The following NOPCHAP1 variants were observed in gnomAD, a reference collection of about 807,000 sequenced individuals.
NOPCHAP1 encodes the protein DNA damage-sensitive RNA 1.
In NOPCHAP1, 13 loss-of-function variants were observed where a neutral mutation model predicts 14.0. That is an observed-to-expected ratio of 0.93 (90% CI 0.60 to 1.47). The LOEUF (loss-of-function observed/expected upper bound fraction) is 1.47, where lower values mean the gene tolerates loss of function less well. Among genes scored for constraint, NOPCHAP1 ranks in the 40% most tolerant of loss-of-function variants. The probability of loss-of-function intolerance (pLI) is 0.00; values close to 1 mark genes in which losing one functional copy is unlikely to be tolerated. For missense variants in NOPCHAP1, 230 were observed against 226.9 expected, an observed-to-expected ratio of 1.01 and a Z score of -0.09; for synonymous variants, 78 against 78.4, an observed-to-expected ratio of 1.00 and a Z score of 0.03.
At position 105,012,919 on chromosome 12, in the gene NOPCHAP1, C is replaced by T. The variant is rs1261439934; in HGVS notation, c.*18223C>T. The T allele has an allele frequency of 6.6e-6, 1 of 152,324 alleles. No homozygotes were observed. Among genetic ancestry groups the T allele is most frequent in the Non-Finnish European group, 1.5e-5 (1 of 68,112 alleles). The allele number at this position is 152,324 out of a possible 1,614,324, so 9.4% of individuals were successfully genotyped here. A position where few individuals can be genotyped will look rare whatever the true frequency, so the allele number is the denominator to read the frequency against. On this transcript the variant is annotated 3_prime_UTR_variant, in exon 4 of 4. Coordinates refer to ENST00000552951, the MANE Select transcript of NOPCHAP1 (RefSeq NM_152318.3). ...GAGATCTCCTGTGTGAGGTTTCTGT[C>T]AACCTCTGCTGGGAGGTGTCTCCCA...
rs1384372341 is a variant in NOPCHAP1 at position 104,988,272 on chromosome 12, C to G, written c.202+19C>G. On this transcript the variant is annotated intron_variant, in intron 2 of 3. Coordinates refer to ENST00000552951, the MANE Select transcript of NOPCHAP1 (RefSeq NM_152318.3). ...AGTCCCTGTAAGTACCTCTTCCCCTCTCTCACCCTCTCTAATGCTGAGTTT... is the reference window on the plus strand; with the variant it reads ...AGTCCCTGTAAGTACCTCTTCCCCTGTCTCACCCTCTCTAATGCTGAGTTT... The G allele has an allele frequency of 1.3e-6, 2 of 1,552,256 alleles. No homozygotes were observed. Among genetic ancestry groups the G allele is most frequent in the South Asian group, 2.3e-5 (2 of 88,290 alleles).
rs1873477490 is a variant in NOPCHAP1 at position 104,995,325 on chromosome 12, T to C, written c.*629T>C. 6.6e-6 allele frequency: 1 copy of C among 152,348 alleles called. No homozygotes were observed. Among genetic ancestry groups the C allele is most frequent in the Non-Finnish European group, 1.5e-5 (1 of 68,130 alleles). 9.4% of individuals were successfully genotyped at this position (152,348 alleles called of 1,614,324 possible). A position where few individuals can be genotyped will look rare whatever the true frequency, so the allele number is the denominator to read the frequency against. On this transcript the variant is annotated 3_prime_UTR_variant, in exon 4 of 4. Coordinates refer to ENST00000552951, the MANE Select transcript of NOPCHAP1 (RefSeq NM_152318.3). ...ATGTGTTCTGTTCCCTTGAGAAATT[T>C]CTTTCATGCATATGGTGGCAGTGTC...
Position 104,991,453 on chromosome 12 carries a change from T to C in NOPCHAP1, c.203-259T>C, listed in dbSNP as rs559576449. 3.3e-5 allele frequency among the ~76,000 whole-genome samples: 5 copies of C among 152,342 alleles called. No homozygotes were observed. In the South Asian group the frequency reaches 1.0e-3, roughly 32 times the overall value. On this transcript the variant is annotated intron_variant, in intron 2 of 3. Coordinates refer to ENST00000552951, the MANE Select transcript of NOPCHAP1 (RefSeq NM_152318.3). ...ACACTGCCTCCCTATTTAGTTACTATTTGTTGAATGCCAGCCTTCTAGGAG... is the reference window on the plus strand; with the variant it reads ...ACACTGCCTCCCTATTTAGTTACTACTTGTTGAATGCCAGCCTTCTAGGAG...
intron 3 of NOPCHAP1, among the ~76,000 whole-genome samples, chr12:104,992,435 T>G (rs1449014096): frequency 6.6e-6 from 1 of 152,256 alleles, no homozygotes; most frequent in East Asian, 1.9e-4. Flanking sequence ...CTTTGGAGTA[T>G]TGCAGCAATT....
At position 105,010,199 on chromosome 12, in the gene NOPCHAP1, G is replaced by A. The variant is rs1465787323; in HGVS notation, c.*15503G>A. 2.0e-5 allele frequency: 3 copies of A among 152,122 alleles called. No individual in the cohort carries two copies. Among genetic ancestry groups the A allele is most frequent in the African/African-American group, 7.2e-5 (3 of 41,420 alleles). 9.4% of individuals were successfully genotyped at this position (152,122 alleles called of 1,614,324 possible). A position where few individuals can be genotyped will look rare whatever the true frequency, so the allele number is the denominator to read the frequency against. On this transcript the variant is annotated 3_prime_UTR_variant, in exon 4 of 4. Transcript: ENST00000552951. ...TTTCCTGGTTTAATCTTGGGAGAGT[G>A]TATGTGTCCAGGAATTTATCCATTT...
chr12:104,991,652 A>G (rs1174067948), intron 2 of NOPCHAP1, 60 bp from the exon 3 acceptor site: 1 of 1,493,016 alleles, frequency 6.7e-7, no homozygotes, highest in Non-Finnish European at 9.0e-7. Flanking sequence ...GTTTATAGGA[A>G]ATCCTGGGTT....
chr12:104,992,161 A>T (rs376486161), intron 3 of NOPCHAP1, among the ~76,000 whole-genome samples: 16 of 152,328 alleles, frequency 1.1e-4, no homozygotes, highest in African/African-American at 1.7e-4. Flanking sequence ...GTATGCAAAA[A>T]TAAATGATGT....
rs1354273176 is a variant in NOPCHAP1 at position 105,004,730 on chromosome 12, T to C, written c.*10034T>C. On this transcript the variant is annotated 3_prime_UTR_variant, in exon 4 of 4. Coordinates refer to ENST00000552951, the MANE Select transcript of NOPCHAP1 (RefSeq NM_152318.3). Reference sequence around the variant, plus strand: ...TTTTTACAAAGAAAAGAATTACTTATACAGTTGATCCTTGAACAATGCAGG... The same window carrying C: ...TTTTTACAAAGAAAAGAATTACTTACACAGTTGATCCTTGAACAATGCAGG... 2.0e-5 allele frequency: 3 copies of C among 152,222 alleles called. No homozygotes were observed. Among genetic ancestry groups the C allele is most frequent in the Non-Finnish European group, 4.4e-5 (3 of 68,030 alleles). 9.4% of individuals were successfully genotyped at this position (152,222 alleles called of 1,614,324 possible).
intron 3 of NOPCHAP1, among the ~76,000 whole-genome samples, chr12:104,992,217 T>A (rs1418205958): frequency 6.6e-6 from 1 of 152,226 alleles, no homozygotes; most frequent in Non-Finnish European, 1.5e-5. Flanking sequence ...AAAAATGTTC[T>A]CTCAGTTTAT....
rs953604275 is a variant in NOPCHAP1 at position 105,011,903 on chromosome 12, C to A, written c.*17207C>A. ...TCCCTTTTTGGGTAATTCAACCTTT[C>A]TCTCTGGCTGCCCTTAACATTTTTT... On this transcript the variant is annotated 3_prime_UTR_variant, in exon 4 of 4. Coordinates refer to ENST00000552951, the MANE Select transcript of NOPCHAP1 (RefSeq NM_152318.3). 1 of 152,178 alleles carries A rather than the reference C, an allele frequency of 6.6e-6. No individual in the cohort carries two copies. Among genetic ancestry groups the A allele is most frequent in the Non-Finnish European group, 1.5e-5 (1 of 68,034 alleles). 9.4% of individuals were successfully genotyped at this position (152,178 alleles called of 1,614,324 possible). A position where few individuals can be genotyped will look rare whatever the true frequency, so the allele number is the denominator to read the frequency against.
intron 1 of NOPCHAP1, among the ~76,000 whole-genome samples, chr12:104,987,219 C>T (rs1023115215): frequency 2.0e-5 from 3 of 152,196 alleles, no homozygotes; most frequent in African/African-American, 7.2e-5. Flanking sequence ...TAATGATAAC[C>T]AAAGCTTATG....
rs1873731597 is a variant in NOPCHAP1, at chr12:105,007,533, T to TG, written c.*12838dup. On this transcript the variant is annotated 3_prime_UTR_variant, in exon 4 of 4. Transcript: ENST00000552951. ...AATATTGCACTAAAGACGAAGAACATGCGATAACCATAAGAGATCACTTGC... is the reference window on the plus strand; with the variant it reads ...AATATTGCACTAAAGACGAAGAACATGGCGATAACCATAAGAGATCACTTGC... 1.3e-5 allele frequency: 2 copies of TG among 152,208 alleles called. No individual in the cohort carries two copies. The highest frequency in any genetic ancestry group is 2.9e-5 in the Non-Finnish European group (2 of 68,040). 9.4% of individuals were successfully genotyped at this position (152,208 alleles called of 1,614,324 possible).
At position 105,014,275 on chromosome 12, in the gene NOPCHAP1, T is replaced by A. The variant is rs11112303; in HGVS notation, c.*19579T>A. ...GCTGATAAATTCTAACTTTTTATAA[T>A]AGATTTATATATTTTTTATGGTAGA... On this transcript the variant is annotated 3_prime_UTR_variant, in exon 4 of 4. Transcript: ENST00000552951. 3 of 152,080 alleles carry A rather than the reference T, an allele frequency of 2.0e-5. No homozygotes were observed. The highest frequency in any genetic ancestry group is 4.4e-5 in the Non-Finnish European group (3 of 68,040). 9.4% of individuals were successfully genotyped at this position (152,080 alleles called of 1,614,324 possible).
rs78559367 is a variant in NOPCHAP1, at chr12:104,991,304, G to T, written c.203-408G>T. 3.5e-3 allele frequency among the ~76,000 whole-genome samples: 533 copies of T among 152,308 alleles called. 10 individuals carry two copies. The highest frequency in any genetic ancestry group is 0.012 in the African/African-American group (489 of 41,560). Reference sequence around the variant, plus strand: ...AAAGGGAACGTATGTTGGGTAGGCAGAAATAACCACTACTTAATTAACTGG... The same window carrying T: ...AAAGGGAACGTATGTTGGGTAGGCATAAATAACCACTACTTAATTAACTGG... On this transcript the variant is annotated intron_variant, in intron 2 of 3. Transcript: ENST00000552951.
rs1038090935 is a variant in NOPCHAP1 at position 105,005,986 on chromosome 12, A to C, written c.*11290A>C. On this transcript the variant is annotated 3_prime_UTR_variant, in exon 4 of 4. Transcript: ENST00000552951. ...CTGTGGCTCAGAAGCATTCATCTCC[A>C]TCAAGCTGTCTTCTGTTAATTCCTC... 6.6e-6 allele frequency: 1 copy of C among 152,270 alleles called. No homozygotes were observed. The highest frequency in any genetic ancestry group is 1.5e-5 in the Non-Finnish European group (1 of 68,032). 9.4% of individuals were successfully genotyped at this position (152,270 alleles called of 1,614,324 possible). A position where few individuals can be genotyped will look rare whatever the true frequency, so the allele number is the denominator to read the frequency against.
rs948277912 is a variant in NOPCHAP1, at chr12:105,006,042, T to TC, written c.*11348dup. ...TGATGTCTGTTAGCTTTTGAATTTC[T>TC]CCAAGATCCCTGTCTTGAAACCCTT... On this transcript the variant is annotated 3_prime_UTR_variant, in exon 4 of 4. Transcript: ENST00000552951. 7.2e-4 allele frequency: 109 copies of TC among 152,364 alleles called. No homozygotes were observed. Among genetic ancestry groups the TC allele is most frequent in the African/African-American group, 2.5e-3 (104 of 41,582 alleles). 9.4% of individuals were successfully genotyped at this position (152,364 alleles called of 1,614,324 possible). A position where few individuals can be genotyped will look rare whatever the true frequency, so the allele number is the denominator to read the frequency against.
rs1451487986 is a variant in NOPCHAP1 at position 105,014,201 on chromosome 12, A to G, written c.*19505A>G. ...CTTTGCATTTGTTTGTATTTCTTTC[A>G]ACTGCAAATGGTACTAGGTACCGTC... is the stretch of plus-strand genomic sequence containing the variant. On this transcript the variant is annotated 3_prime_UTR_variant, in exon 4 of 4. Transcript: ENST00000552951. 2.0e-5 allele frequency: 3 copies of G among 152,192 alleles called. No homozygotes were observed. The highest frequency in any genetic ancestry group is 7.2e-5 in the African/African-American group (3 of 41,446). 9.4% of individuals were successfully genotyped at this position (152,192 alleles called of 1,614,324 possible).
intron 3 of NOPCHAP1, among the ~76,000 whole-genome samples, chr12:104,993,228 A>G (rs1873422009): frequency 6.6e-6 from 1 of 152,196 alleles, no homozygotes; most frequent in African/African-American, 2.4e-5. Flanking sequence ...ATGTTTCTGT[A>G]AGAGGTCAGA....
rs1158487837 is a variant in NOPCHAP1, at chr12:104,999,875, C to T, written c.*5179C>T. 2 of 152,296 alleles carry T rather than the reference C, an allele frequency of 1.3e-5. No homozygotes were observed. Among genetic ancestry groups the T allele is most frequent in the African/African-American group, 4.8e-5 (2 of 41,438 alleles). The allele number at this position is 152,296 out of a possible 1,614,324, so 9.4% of individuals were successfully genotyped here. On this transcript the variant is annotated 3_prime_UTR_variant, in exon 4 of 4. Transcript: ENST00000552951. The stretch of plus-strand genomic sequence containing the variant: ...CCTTGCAGGGTTCCCCGCTTCCTCC[C>T]TCTTCAGCCCAGCATCTGTGTCTTC...
Sources: gnomAD v4.1 joint callset for allele counts (sites outside exome capture counted in the v4.1 genomes callset) on GRCh38, gnomAD v4.1.1 for gene constraint, MANE v1.5 for transcripts, NCBI Gene and HGNC (gene_info 2026-07-23, HGNC 2026-07-21) for gene names.